The following CFAP299 variants were observed in gnomAD, a reference collection of about 807,000 sequenced individuals.
The protein encoded by CFAP299 is cilia- and flagella-associated protein 299.
CFAP299 carries 21 observed loss-of-function variants against 27.0 expected under a neutral mutation model. The observed-to-expected ratio is 0.78, with a 90% CI of 0.55 to 1.12. The LOEUF is 1.12. Ranked by LOEUF, CFAP299 falls within the 50% of genes most tolerant of loss-of-function variation. CFAP299 has a pLI of 0.00. For synonymous variants in CFAP299, 104 were observed against 98.1 expected (o/e 1.06, Z -0.36); for missense variants, 310 against 276.6 (o/e 1.12, Z -0.86).
chr4:80,725,148 G>A (rs1455937971), intron 3 of CFAP299, among the ~76,000 whole-genome samples: 2 of 129,772 alleles, frequency 1.5e-5, no homozygotes, highest in Non-Finnish European at 3.2e-5. Context: ...TAGAGATGGG[G>A]TTTCACCACG....
intron 2 of CFAP299, among the ~76,000 whole-genome samples, chr4:80,559,201 G>A (rs1734924441): frequency 6.6e-6 from 1 of 150,714 alleles, no homozygotes. Flanking sequence ...TTTCCTTGTA[G>A]CTAGTTTGGG....
rs137973125 is a variant in CFAP299, at chr4:80,628,787, A to G, written c.333+45604A>G. 2.5e-3 allele frequency among the ~76,000 whole-genome samples: 380 copies of G among 152,288 alleles called. 3 individuals carry two copies. Among genetic ancestry groups the G allele is most frequent in the African/African-American group, 7.5e-3 (311 of 41,572 alleles). ...AAAACACAATGAGATATTACCTTAG[A>G]GCAGCTAGAATGCGTATCTTCAAGA... On this transcript the variant is annotated intron_variant, in intron 3 of 5. Coordinates refer to ENST00000358105, the MANE Select transcript of CFAP299 (RefSeq NM_152770.3).
chr4:80,529,114 G>A (rs1320356921), intron 2 of CFAP299, among the ~76,000 whole-genome samples: 1 of 152,102 alleles, frequency 6.6e-6, no homozygotes, highest in Non-Finnish European at 1.5e-5. Flanking sequence ...ATGACTACTA[G>A]ACCTTCTGTG....
chr4:80,752,062 T>C (rs570055135), intron 3 of CFAP299, among the ~76,000 whole-genome samples: 84 of 152,140 alleles, frequency 5.5e-4, no homozygotes, highest in South Asian at 2.3e-3. Flanking sequence ...CACAAGGGGA[T>C]CTCCTGATCT....
intron 3 of CFAP299, among the ~76,000 whole-genome samples, chr4:80,686,378 T>C (rs1720196606): frequency 6.6e-6 from 1 of 152,220 alleles, no homozygotes; most frequent in South Asian, 2.1e-4. Flanking sequence ...ACTTGGTGGA[T>C]TATGCTTCTC....
At chr4:80,645,860 A>G (rs1453460416) in intron 3 of CFAP299, among the ~76,000 whole-genome samples, 2 of 152,164 alleles carry the variant, frequency 1.3e-5, no homozygotes, top group Non-Finnish European at 2.9e-5. Flanking sequence ...TCTTCTCACA[A>G]CAATATCAGG....
intron 3 of CFAP299, among the ~76,000 whole-genome samples, chr4:80,688,179 G>A (rs1172710877): frequency 6.6e-6 from 1 of 152,228 alleles, no homozygotes; most frequent in African/African-American, 2.4e-5. Context: ...GAACAGAGTG[G>A]AACCCACCAC....
At chr4:80,438,457 A>G (rs1423557601) in intron 2 of CFAP299, among the ~76,000 whole-genome samples, 2 of 152,152 alleles carry the variant, frequency 1.3e-5, no homozygotes, top group Non-Finnish European at 2.9e-5. Context: ...ACCAACATGT[A>G]TGTGCTTACA....
intron 3 of CFAP299, among the ~76,000 whole-genome samples, chr4:80,672,908 G>T (rs1250955990): frequency 4.1e-5 from 6 of 147,772 alleles, no homozygotes; most frequent in Admixed American, 6.7e-5. Context: ...TTCTTTATTA[G>T]TCTTGTTAGT....
intron 2 of CFAP299, among the ~76,000 whole-genome samples, chr4:80,512,414 T>A (rs1732353770): frequency 6.6e-6 from 1 of 152,116 alleles, no homozygotes; most frequent in Admixed American, 6.6e-5. Flanking sequence ...AAATAACTCA[T>A]GCCGCAACAT....
intron 3 of CFAP299, among the ~76,000 whole-genome samples, chr4:80,739,762 A>G (rs1016137684): frequency 2.0e-5 from 3 of 152,024 alleles, no homozygotes; most frequent in African/African-American, 7.2e-5. Flanking sequence ...CCTTTAAAAA[A>G]AAACTTTCTA....
At chr4:80,691,992 G>A (rs866878772) in intron 3 of CFAP299, among the ~76,000 whole-genome samples, 1 of 152,078 alleles carries the variant, frequency 6.6e-6, no homozygotes, top group African/African-American at 2.4e-5. Context: ...TACAAGGGAT[G>A]TGAAGGACCT....
intron 2 of CFAP299, among the ~76,000 whole-genome samples, chr4:80,488,531 TG>T (rs1190535605): frequency 6.6e-6 from 1 of 150,414 alleles, no homozygotes; most frequent in Non-Finnish European, 1.5e-5. Flanking sequence ...TGGAGTGCAG[TG>T]GCATGATCTT....
intron 4 of CFAP299, among the ~76,000 whole-genome samples, chr4:80,888,507 C>T (rs923690677): frequency 1.3e-5 from 2 of 151,918 alleles, no homozygotes; most frequent in Non-Finnish European, 2.9e-5. Flanking sequence ...AGATAGATCC[C>T]AATACAATAA....
At chr4:80,376,803 C>T (rs147138955) in intron 2 of CFAP299, among the ~76,000 whole-genome samples, 202 of 152,140 alleles carry the variant, frequency 1.3e-3, no homozygotes, top group African/African-American at 4.3e-3. Flanking sequence ...TACAGGTGCC[C>T]GCCACCACGC....
At chr4:80,889,153 A>G (rs2110184030) in intron 4 of CFAP299, among the ~76,000 whole-genome samples, 1 of 152,008 alleles carries the variant, frequency 6.6e-6, no homozygotes, top group South Asian at 2.1e-4. Context: ...AAATAAACGA[A>G]TTTGAAATGA....
At chr4:80,337,606 C>T (rs1722216055) in intron 1 of CFAP299, among the ~76,000 whole-genome samples, 1 of 152,022 alleles carries the variant, frequency 6.6e-6, no homozygotes, top group African/African-American at 2.4e-5. Context: ...CCATGTTGGC[C>T]AGGCTGGTCT....
chr4:80,962,752 C>A (rs1049887065), intron 5 of CFAP299, among the ~76,000 whole-genome samples: 3 of 151,794 alleles, frequency 2.0e-5, no homozygotes, highest in Non-Finnish European at 4.4e-5. Flanking sequence ...GAAGAGAGAG[C>A]AAATAATATC....
intron 2 of CFAP299, among the ~76,000 whole-genome samples, chr4:80,446,869 T>G (rs921370101): frequency 2.6e-5 from 4 of 152,232 alleles, no homozygotes; most frequent in African/African-American, 9.6e-5. Context: ...ATGTGGATTT[T>G]ATGTGTGCAT....
Sources: allele counts gnomAD v4.1 joint callset (sites outside exome capture counted in the v4.1 genomes callset), GRCh38; gene constraint gnomAD v4.1.1; transcripts MANE v1.5; gene names NCBI Gene and HGNC (gene_info 2026-07-23, HGNC 2026-07-21).